The following TAF1 variants were observed in gnomAD, a reference collection of about 807,000 sequenced individuals.
The protein encoded by TAF1 is transcription initiation factor TFIID subunit 1.
A neutral mutation model predicts 138.5 loss-of-function variants in TAF1; 2 were observed. That is an observed-to-expected ratio of 0.01 (90% CI 0.01 to 0.05). The LOEUF (loss-of-function observed/expected upper bound fraction) is 0.05. Among genes scored for constraint, TAF1 ranks in the 10% least tolerant of loss-of-function variants. The pLI is 1.00. For synonymous variants in TAF1, 437 were observed against 503.2 expected (o/e 0.87, Z 1.76); for missense variants, 709 against 1,478.0 (o/e 0.48, Z 8.53).
At chrX:71,420,176 A>C in intron 28 of TAF1, 2 of 537,950 alleles carry the variant, frequency 3.7e-6, no homozygotes, top group East Asian at 7.4e-5. Context: ...GAGAGAGGGA[A>C]CTGCTGTAGT....
At chrX:71,490,853 G>A (rs1460749852) in intron 13 of TAF1, among the ~76,000 whole-genome samples, 1 of 107,930 alleles carries the variant, frequency 9.3e-6, no homozygotes, top group African/African-American at 3.4e-5. Flanking sequence ...TCAGCCTGCC[G>A]AGTAGCTGGG....
chrX:71,432,846 A>G (rs975390917), intron 32 of TAF1, among the ~76,000 whole-genome samples: 5 of 111,798 alleles, frequency 4.5e-5, no homozygotes, highest in African/African-American at 1.6e-4. Flanking sequence ...ATTTTCCGTT[A>G]GGCTTATCTG....
At chrX:71,447,685 A>G (rs2037759258) in intron 32 of TAF1, among the ~76,000 whole-genome samples, 2 of 103,030 alleles carry the variant, frequency 1.9e-5, no homozygotes, top group African/African-American at 7.3e-5. Flanking sequence ...TGACAGAGCG[A>G]GACACTGTGT....
intron 13 of TAF1, among the ~76,000 whole-genome samples, chrX:71,510,831 C>T (rs2039716173): frequency 8.9e-6 from 1 of 111,839 alleles, no homozygotes; most frequent in Admixed American, 9.5e-5. Context: ...TTGGCGGGCA[C>T]GATGGCTCAC....
chrX:71,470,608 C>T (rs2038865218), downstream of TAF1, among the ~76,000 whole-genome samples: 1 of 107,391 alleles, frequency 9.3e-6, no homozygotes, highest in African/African-American at 3.4e-5. Flanking sequence ...AACTCCTGAC[C>T]TCAAGTGATC....
intron 14 of TAF1, among the ~76,000 whole-genome samples, chrX:71,385,520 T>C (rs1339310998): frequency 9.0e-6 from 1 of 110,956 alleles, no homozygotes; most frequent in Non-Finnish European, 1.9e-5. Flanking sequence ...GAGGCTCTCT[T>C]ATAACAGCTT....
intron 13 of TAF1, among the ~76,000 whole-genome samples, chrX:71,512,968 T>C (rs2039760819): frequency 8.9e-6 from 1 of 112,551 alleles, no homozygotes; most frequent in Non-Finnish European, 1.9e-5. Flanking sequence ...GAGTGAAAAG[T>C]AGCTATTGAC....
chrX:71,449,322 T>TC (rs2037849070), intron 32 of TAF1, among the ~76,000 whole-genome samples: 1 of 111,156 alleles, frequency 9.0e-6, no homozygotes, highest in African/African-American at 3.3e-5. Flanking sequence ...ACGGGGTTTC[T>TC]CCATGTTGGT....
downstream of TAF1, among the ~76,000 whole-genome samples, chrX:71,469,234 G>A (rs780627840): frequency 8.1e-5 from 9 of 111,801 alleles, no homozygotes; most frequent in Admixed American, 1.9e-4. Context: ...TAAGGCTGCA[G>A]TGAGCTATGG....
At position 71,375,116 on chromosome X, in the gene TAF1, G is replaced by A. The variant is rs372690596; in HGVS notation, c.353-51G>A. The A allele has an allele frequency of 4.4e-5, 51 of 1,172,054 alleles. No homozygotes were observed. The African/African-American group carries it at 7.0e-4, about 16-fold the overall frequency. Reference sequence around the variant, plus strand: ...ATTGAGTGGCAAGGAAGCTTAAGGCGGTTGTATAATATTTTGGATATTGAG... The same window carrying A: ...ATTGAGTGGCAAGGAAGCTTAAGGCAGTTGTATAATATTTTGGATATTGAG... On this transcript the variant is annotated intron_variant, in intron 3 of 37. Transcript: ENST00000423759.
chrX:71,373,714 A>G (rs924101465), intron 3 of TAF1, among the ~76,000 whole-genome samples: 1 of 111,769 alleles, frequency 8.9e-6, no homozygotes, highest in African/African-American at 3.3e-5. Context: ...TTAGGGCCGC[A>G]TATGTAGATT....
chrX:71,387,418 C>G lies in TAF1; in HGVS notation c.2384C>G (p.Pro795Arg). The change falls in exon 15 of 38, where the codon CCT (proline) becomes CGT (arginine). Residue 795 changes from proline (P) to arginine (R), a missense_variant. Around this residue, in one of 14 missense-constraint regions of TAF1, gnomAD observed 201 missense variants for 421.3 expected, o/e 0.48. Coordinates refer to ENST00000423759, the MANE Select transcript of TAF1 (RefSeq NM_004606.5). ...QQCPLFEVPGPNSKRANTHIR... is the reference protein window; with the variant it reads ...QQCPLFEVPGRNSKRANTHIR... ...TGTCCCTTGTTTGAAGTTCCTGGGCCTAACTCCAAAAGGGCCAATACGCAT... is the reference window on the plus strand; with the variant it reads ...TGTCCCTTGTTTGAAGTTCCTGGGCGTAACTCCAAAAGGGCCAATACGCAT... 8.3e-7 allele frequency: 1 copy of G among 1,211,761 alleles called. No homozygotes were observed. The highest frequency in any genetic ancestry group is 1.1e-6 in the Non-Finnish European group (1 of 895,561).
At chrX:71,397,694 G>A (rs1167923608) in intron 23 of TAF1, among the ~76,000 whole-genome samples, 1 of 110,929 alleles carries the variant, frequency 9.0e-6, no homozygotes, top group Non-Finnish European at 1.9e-5. Flanking sequence ...TGTTGACCAG[G>A]CTGGTGTTGA....
chrX:71,392,746 A>G, intron 19 of TAF1, 28 bp downstream of exon 19: 2 of 1,191,037 alleles, frequency 1.7e-6, no homozygotes, highest in Non-Finnish European at 2.3e-6. Flanking sequence ...TCTAGAATGA[A>G]AAAGTCAAGG....
intron 32 of TAF1, among the ~76,000 whole-genome samples, chrX:71,437,775 T>A (rs1310156659): frequency 2.7e-5 from 3 of 109,956 alleles, no homozygotes; most frequent in African/African-American, 9.9e-5. Flanking sequence ...CTCTTTCTCT[T>A]TCCATACAGA....
At chrX:71,386,936 ATC>A (rs1387191380) in intron 14 of TAF1, 2 of 243,021 alleles carry the variant, frequency 8.2e-6, no homozygotes, top group Non-Finnish European at 1.5e-5. Flanking sequence ...ATTTTTAAGT[ATC>A]TCTGTTTTGT....
At chrX:71,389,840 T>G in intron 18 of TAF1, 175 bp downstream of exon 18, 1 of 364,256 alleles carries the variant, frequency 2.7e-6, no homozygotes, top group Non-Finnish European at 4.6e-6. Flanking sequence ...TATTATATTT[T>G]ATATGATATG....
chrX:71,517,773 G>A (rs1369505781), intron 13 of TAF1, among the ~76,000 whole-genome samples: 2 of 111,608 alleles, frequency 1.8e-5, no homozygotes, highest in Non-Finnish European at 3.8e-5. Context: ...TGTGTAGGGG[G>A]GTTTATTGTT....
chrX:71,503,342 A>ATATATATATATATATGTG (rs1569408546), intron 13 of TAF1, among the ~76,000 whole-genome samples: 2 of 96,613 alleles, frequency 2.1e-5, no homozygotes, highest in African/African-American at 8.1e-5. Flanking sequence ...ATATATATAT[A>ATATATATATATATATGTG]TGTGTATATA....
Sources: gnomAD v4.1 joint callset for allele counts (sites outside exome capture counted in the v4.1 genomes callset) on GRCh38, gnomAD v4.1.1 for gene constraint, gnomAD v4.1.1 regional missense constraint, MANE v1.5 for transcripts, NCBI Gene and HGNC (gene_info 2026-07-23, HGNC 2026-07-21) for gene names.